The following FGD5 variants were observed in gnomAD, a reference collection of about 807,000 sequenced individuals.
FGD5 encodes FYVE, RhoGEF and PH domain-containing protein 5.
A neutral mutation model predicts 133.4 loss-of-function variants in FGD5; 28 were observed. That is an observed-to-expected ratio of 0.21 (90% confidence interval 0.16 to 0.29). The LOEUF (loss-of-function observed/expected upper bound fraction) is 0.29, where lower values mean the gene tolerates loss of function less well. Ranked by LOEUF, FGD5 falls within the 10% of genes least tolerant of loss-of-function variation. The pLI is 1.00. For synonymous variants in FGD5, 810 were observed against 776.5 expected, an observed-to-expected ratio of 1.04 and a Z score of -0.72; for missense variants, 1,858 against 1,895.2, an observed-to-expected ratio of 0.98 and a Z score of 0.36.
chr3:14,828,937 G>C (rs977982034), intron 1 of FGD5, among the ~76,000 whole-genome samples: 1 of 151,526 alleles, frequency 6.6e-6, no homozygotes, highest in Admixed American at 6.6e-5. Context: ...GGGATTACAG[G>C]CACTCATGAC....
chr3:14,855,070 G>A (rs2037252474), intron 1 of FGD5, among the ~76,000 whole-genome samples: 1 of 152,070 alleles, frequency 6.6e-6, no homozygotes, highest in Non-Finnish European at 1.5e-5. Flanking sequence ...CGTCTATGAG[G>A]TTAGCTTTTT....
intron 1 of FGD5, among the ~76,000 whole-genome samples, chr3:14,833,960 T>C (rs2036766876): frequency 6.6e-6 from 1 of 152,084 alleles, no homozygotes. Flanking sequence ...GGGTCCTCCT[T>C]GGGGTTCCCT....
intron 2 of FGD5, among the ~76,000 whole-genome samples, chr3:14,874,155 G>A (rs1656434): frequency 0.14 from 21,875 of 152,180 alleles, 1,897 homozygotes; most frequent in East Asian, 0.39. Flanking sequence ...GAACTTGGAG[G>A]GCTTGATGCT....
At chr3:14,812,036 A>ATGTG (rs56994528) in intron 1 of FGD5, among the ~76,000 whole-genome samples, 6,387 of 148,090 alleles carry the variant, frequency 0.043, 202 homozygotes, top group African/African-American at 0.075. Context: ...GTGTGTATGT[A>ATGTG]TGTGTGTGTG....
chr3:14,885,462 A>T (rs971035769), intron 4 of FGD5, among the ~76,000 whole-genome samples: 2 of 152,120 alleles, frequency 1.3e-5, no homozygotes, highest in Admixed American at 6.5e-5. Context: ...TGCATTCATG[A>T]TAAACAGTTT....
At chr3:14,834,701 A>G (rs1167474980) in intron 1 of FGD5, among the ~76,000 whole-genome samples, 1 of 152,204 alleles carries the variant, frequency 6.6e-6, no homozygotes, top group Non-Finnish European at 1.5e-5. Context: ...CACACACAGT[A>G]GGGGAGGTGG....
chr3:14,877,348 C>T (rs1012038109), intron 2 of FGD5, among the ~76,000 whole-genome samples: 4 of 152,230 alleles, frequency 2.6e-5, no homozygotes, highest in African/African-American at 9.6e-5. Context: ...ATCTGCACGT[C>T]TGGCAGGAGG....
At chr3:14,919,358 C>T (rs1237821802) in intron 13 of FGD5, among the ~76,000 whole-genome samples, 1 of 152,224 alleles carries the variant, frequency 6.6e-6, no homozygotes, top group Non-Finnish European at 1.5e-5. Context: ...GTGGCTCACG[C>T]CTGTAATCCC....
At chr3:14,834,167 C>T (rs1437918504) in intron 1 of FGD5, among the ~76,000 whole-genome samples, 4 of 152,102 alleles carry the variant, frequency 2.6e-5, no homozygotes, top group South Asian at 2.1e-4. Flanking sequence ...TTGGGAGTTA[C>T]GGATTGCAGT....
At chr3:14,864,037 G>A in intron 1 of FGD5, 91 bp from the exon 2 acceptor site, 1 of 1,541,072 alleles carries the variant, frequency 6.5e-7, no homozygotes, top group East Asian at 2.3e-5. Flanking sequence ...CTTGTTTTCT[G>A]TCCCCATGGC....
At chr3:14,930,911 A>G (rs75509226) in intron 18 of FGD5, 83 of 152,250 alleles carry the variant, frequency 5.5e-4, no homozygotes, top group African/African-American at 1.9e-3. Flanking sequence ...TACTATATAC[A>G]CATAAAAACT....
intron 2 of FGD5, among the ~76,000 whole-genome samples, chr3:14,864,666 G>A (rs2037461126): frequency 6.6e-6 from 1 of 152,194 alleles, no homozygotes; most frequent in African/African-American, 2.4e-5. Flanking sequence ...GGAATTTTGT[G>A]AACTGAAAAG....
At chr3:14,898,131 G>T in intron 6 of FGD5, 36 bp downstream of exon 6, 1 of 1,612,294 alleles carries the variant, frequency 6.2e-7, no homozygotes, top group Non-Finnish European at 8.5e-7. Flanking sequence ...CTGCTGTAAG[G>T]ATGCAGGGGT....
At chr3:14,852,896 A>G (rs1003904157) in intron 1 of FGD5, among the ~76,000 whole-genome samples, 1 of 152,280 alleles carries the variant, frequency 6.6e-6, no homozygotes, top group Non-Finnish European at 1.5e-5. Context: ...CCTGGCCCCC[A>G]GGCTGTGGGA....
chr3:14,868,680 A>T (rs2037545863), intron 2 of FGD5, among the ~76,000 whole-genome samples: 1 of 152,160 alleles, frequency 6.6e-6, no homozygotes, highest in Non-Finnish European at 1.5e-5. Context: ...CTCCCAGAAA[A>T]CAATACTCAT....
Position 14,864,015 on chromosome 3 carries a change from T to C in FGD5, c.2526-113T>C. The C allele has an allele frequency of 2.7e-6, 4 of 1,459,570 alleles. No homozygotes were observed. The East Asian group carries it at 9.4e-5, about 34-fold the overall frequency. 90.4% of individuals were successfully genotyped at this position (1,459,570 alleles called of 1,614,324 possible). On this transcript the variant is annotated intron_variant, in intron 1 of 19. Transcript: ENST00000285046. ...GGTGGGGAAGTAGGAATTTTGTGCC[T>C]GAGTCTTACTACTTGTTTTCTGTCC...
chr3:14,926,096 C>T lies in FGD5; in HGVS notation c.4095C>T (p.Ala1365=). The T allele has an allele frequency of 1.2e-6, 2 of 1,613,868 alleles. No individual in the cohort carries two copies. The highest frequency in any genetic ancestry group is 1.7e-6 in the Non-Finnish European group (2 of 1,179,816). Residue 1365 remains alanine, a synonymous_variant, in exon 18 of 20, where the codon GCC becomes GCT. Coordinates refer to ENST00000285046, the MANE Select transcript of FGD5 (RefSeq NM_152536.4). ...TEVAASGEGS[A]ISGYLSRCKR... ...TGGCTGCCTCTGGAGAGGGCTCTGC[C>T]ATCAGTGGCTATCTCAGCCGGTGTA...
At chr3:14,854,387 CTTTTTATTTATT>C (rs933415998) in intron 1 of FGD5, among the ~76,000 whole-genome samples, 1 of 134,320 alleles carries the variant, frequency 7.4e-6, no homozygotes, top group Non-Finnish European at 1.6e-5. Flanking sequence ...TGTTTCTTTT[CTTTTTATTTATT>C]TATTTATTTA....
At chr3:14,845,134 C>A (rs938860067) in intron 1 of FGD5, among the ~76,000 whole-genome samples, 1 of 152,118 alleles carries the variant, frequency 6.6e-6, no homozygotes, top group Non-Finnish European at 1.5e-5. Context: ...CTTCTGTCAC[C>A]TGTACATGCT....
Sources: gnomAD v4.1 joint callset for allele counts (sites outside exome capture counted in the v4.1 genomes callset) on GRCh38, gnomAD v4.1.1 for gene constraint, MANE v1.5 for transcripts, NCBI Gene and HGNC (gene_info 2026-07-23, HGNC 2026-07-21) for gene names.